CYP27C1: variants seen among roughly 807,000 people sequenced by gnomAD.
The protein encoded by CYP27C1 is cytochrome P450 27C1.
Under a neutral mutation model 40.6 loss-of-function variants are expected in CYP27C1, and 29 were observed. The observed-to-expected ratio is 0.71, with a 90% CI of 0.53 to 0.97. The LOEUF (loss-of-function observed/expected upper bound fraction) is 0.97, where lower values mean the gene tolerates loss of function less well. Ranked by LOEUF, CYP27C1 falls within the 50% of genes least tolerant of loss-of-function variation. The pLI is 0.00. For missense variants in CYP27C1, 390 were observed against 485.8 expected, an observed-to-expected ratio of 0.80 and a Z score of 1.85; for synonymous variants, 198 against 186.8, an observed-to-expected ratio of 1.06 and a Z score of -0.49.
At position 127,195,460 on chromosome 2, in the gene CYP27C1, C is replaced by A; in HGVS notation, c.1089G>T (p.Arg363Ser). The change falls in exon 6 of 9, where the codon AGG (arginine) becomes AGT (serine). Residue 363 changes from arginine to serine, a missense_variant. Coordinates refer to ENST00000664447, the MANE Select transcript of CYP27C1 (RefSeq NM_001367502.1). This position sits in a 1 kb window ranked among gnomAD's most constrained non-coding sequence, Gnocchi z 6.2. The part of the protein sequence containing the change: ...TLSWTVYLLA[R>S]HPEVQQTVYR... Reference sequence around the variant, plus strand: ...ACACCGTCTGCTGCACTTCTGGGTGCCTTGCCAGGAGGTACACAGTCCAAG... The same window carrying A: ...ACACCGTCTGCTGCACTTCTGGGTGACTTGCCAGGAGGTACACAGTCCAAG... 6.2e-7 allele frequency: 1 copy of A among 1,614,028 alleles called. No homozygotes were observed. Among genetic ancestry groups the A allele is most frequent in the Non-Finnish European group, 8.5e-7 (1 of 1,179,984 alleles).
rs1553502233 is a variant in CYP27C1, at chr2:127,195,404, C to T, written c.1145G>A (p.Arg382Lys). 1 of 1,614,128 alleles carries T rather than the reference C, an allele frequency of 6.2e-7. No individual in the cohort carries two copies. The highest frequency in any genetic ancestry group is 8.5e-7 in the Non-Finnish European group (1 of 1,180,034). ...GACATCAGCTGCAGTTGGAACATGC[C>T]TTTCCCCTAAATTCTTCACAATCTC... ...YREIVKNLGE[R>K]HVPTAADVPK... The change falls in exon 6 of 9, where the codon AGG becomes AAG. Residue 382 changes from arginine (R) to lysine (K), a missense_variant. Physicochemically the swap from Arg to Lys is conservative, Grantham distance 26. Transcript: ENST00000664447. The surrounding 1 kb of genome is among the most constrained non-coding windows in gnomAD (Gnocchi z 6.2).
intron 3 of CYP27C1, among the ~76,000 whole-genome samples, chr2:127,202,032 T>C (rs1260248681): frequency 6.6e-6 from 1 of 151,908 alleles, no homozygotes; most frequent in Non-Finnish European, 1.5e-5. Flanking sequence ...GAAGGTAAGC[T>C]TTTTTTAAAA....
At chr2:127,191,333 T>C (rs1682764822) in intron 8 of CYP27C1, among the ~76,000 whole-genome samples, 1 of 152,164 alleles carries the variant, frequency 6.6e-6, no homozygotes, top group Admixed American at 6.5e-5. Context: ...CTTTAGCAGT[T>C]ATATTCATAT....
At position 127,201,371 on chromosome 2, in the gene CYP27C1, A is replaced by G. The variant is rs1158683770; in HGVS notation, c.674-40T>C. 1 of 1,583,920 alleles carries G rather than the reference A, an allele frequency of 6.3e-7. No homozygotes were observed. Among genetic ancestry groups the G allele is most frequent in the South Asian group, 1.1e-5 (1 of 89,308 alleles). On this transcript the variant is annotated intron_variant, in intron 3 of 8. Coordinates refer to ENST00000664447, the MANE Select transcript of CYP27C1 (RefSeq NM_001367502.1). The surrounding 1 kb of genome is among the most constrained non-coding windows in gnomAD (Gnocchi z 6.0). Reference sequence around the variant, plus strand: ...GAATTTGAAAACCCTCTTCTAGATTATTTACCATACCAACAGGCAATGTTG... The same window carrying G: ...GAATTTGAAAACCCTCTTCTAGATTGTTTACCATACCAACAGGCAATGTTG...
In CYP27C1 at chr2:127,195,567, T is replaced by C. The variant is rs1000110424; in HGVS notation, c.1048-66A>G. On this transcript the variant is annotated intron_variant, in intron 5 of 8. Coordinates refer to ENST00000664447, the MANE Select transcript of CYP27C1 (RefSeq NM_001367502.1). The surrounding 1 kb of genome is among the most constrained non-coding windows in gnomAD (Gnocchi z 6.2). ...ACACCAGGGACTGAAACAGAGGCGG[T>C]GGCAGGTAGGAAGTCCCCTGGGAAT... is the stretch of plus-strand genomic sequence containing the variant. The C allele has an allele frequency of 1.3e-6, 2 of 1,553,872 alleles. No individual in the cohort carries two copies. Among genetic ancestry groups the C allele is most frequent in the Non-Finnish European group, 1.8e-6 (2 of 1,140,044 alleles).
Position 127,201,214 on chromosome 2 carries a change from A to G in CYP27C1, c.791T>C (p.Met264Thr). The change falls in exon 4 of 9, where the codon ATG becomes ACG. Residue 264 changes from methionine (M) to threonine (T), a missense_variant. Physicochemically the swap from Met to Thr is moderately conservative, Grantham distance 81 (BLOSUM62 -1). Coordinates refer to ENST00000664447, the MANE Select transcript of CYP27C1 (RefSeq NM_001367502.1). This position sits in a 1 kb window ranked among gnomAD's most constrained non-coding sequence, Gnocchi z 6.0. ...CCATCTGGGGATGGCGCCTGCATAC[A>G]TGGAGGTCTTGAACATGCTAAACAT... is the stretch of plus-strand genomic sequence containing the variant. ...ELMFSMFKTS[M>T]YAGAIPRWLR... The G allele has an allele frequency of 5.0e-6, 8 of 1,610,176 alleles. No individual in the cohort carries two copies. Among genetic ancestry groups the G allele is most frequent in the Non-Finnish European group, 6.8e-6 (8 of 1,177,790 alleles).
At chr2:127,190,331 CTTTTTTTTTTCTTTTTTT>C (rs1682736584) in intron 8 of CYP27C1, among the ~76,000 whole-genome samples, 1 of 120,228 alleles carries the variant, frequency 8.3e-6, no homozygotes, top group Non-Finnish European at 1.6e-5. Flanking sequence ...TGTGGCTTCT[CTTTTTTTTTTCTTTTTTT>C]TTTTTTTTTT....
intron 1 of CYP27C1, among the ~76,000 whole-genome samples, chr2:127,216,690 G>A (rs900572101): frequency 6.6e-6 from 1 of 152,282 alleles, no homozygotes; most frequent in East Asian, 1.9e-4. Context: ...TAAGAAAGCT[G>A]TTACTCCCTG....
chr2:127,204,557 GAA>G (rs779055219), intron 2 of CYP27C1, among the ~76,000 whole-genome samples: 3,277 of 39,930 alleles, frequency 0.082, 111 homozygotes, highest in South Asian at 0.091. Flanking sequence ...GAGAGAGAGA[GAA>G]AGAAAGAAAG....
Position 127,193,752 on chromosome 2 carries a change from C to T in CYP27C1, c.1293+37G>A, listed in dbSNP as rs779160223. The T allele has an allele frequency of 5.1e-5, 83 of 1,612,264 alleles. 2 individuals are homozygous for T. The South Asian group carries it at 5.2e-4, about 10-fold the overall frequency. On this transcript the variant is annotated intron_variant, in intron 7 of 8. Transcript: ENST00000664447. ...AAGCAGATTCCAATTCAACCCCGAC[C>T]CGCAAGGCCTGGCCACCCCCATGGC...
chr2:127,204,555 GAGAAAGAA>G (rs1169099297), intron 2 of CYP27C1, among the ~76,000 whole-genome samples: 869 of 38,952 alleles, frequency 0.022, 17 homozygotes, highest in African/African-American at 0.035. Context: ...GAGAGAGAGA[GAGAAAGAA>G]AGAAAGAAAG....
intron 1 of CYP27C1, among the ~76,000 whole-genome samples, chr2:127,210,494 C>T (rs564831154): frequency 8.5e-5 from 13 of 152,216 alleles, no homozygotes; most frequent in Admixed American, 8.5e-4. Context: ...ATGACAGGAT[C>T]AAATTCGCAC....
chr2:127,216,129 G>A (rs1044984697), intron 1 of CYP27C1, among the ~76,000 whole-genome samples: 1 of 152,142 alleles, frequency 6.6e-6, no homozygotes, highest in African/African-American at 2.4e-5. Flanking sequence ...AAAACAGTCT[G>A]GCAGTTCTTC....
intron 6 of CYP27C1, among the ~76,000 whole-genome samples, chr2:127,194,793 T>C (rs1342184825): frequency 1.3e-5 from 2 of 152,164 alleles, no homozygotes; most frequent in Admixed American, 6.5e-5. Context: ...AGTAAGCCAA[T>C]TGGCTAAAGC....
rs1683523552 is a variant in CYP27C1, at chr2:127,220,277, C to G, written c.-7G>C. Among the ~76,000 whole-genome samples the G allele has an allele frequency of 6.6e-6, 1 of 151,942 alleles. No individual in the cohort carries two copies. Among genetic ancestry groups the G allele is most frequent in the Non-Finnish European group, 1.5e-5 (1 of 67,912 alleles). ...TCCGCGCCAGCAGGGCCATGGCGCT[C>G]GTCTGCATCGGCTTGTTTGTCTGAG... On this transcript the variant is annotated 5_prime_UTR_variant, in exon 1 of 9. Coordinates refer to ENST00000664447, the MANE Select transcript of CYP27C1 (RefSeq NM_001367502.1). The surrounding 1 kb of genome is among the most constrained non-coding windows in gnomAD (Gnocchi z 4.6).
At chr2:127,213,354 C>G (rs1455245847) in intron 1 of CYP27C1, among the ~76,000 whole-genome samples, 1 of 151,292 alleles carries the variant, frequency 6.6e-6, no homozygotes. Context: ...CCCCATATAG[C>G]CAAAACAATC....
At chr2:127,188,021 C>T (rs1339420645) in intron 8 of CYP27C1, among the ~76,000 whole-genome samples, 4 of 152,176 alleles carry the variant, frequency 2.6e-5, no homozygotes, top group African/African-American at 9.7e-5. Context: ...TCTCCCCCGG[C>T]GGCCGGCTAG....
chr2:127,197,994 G>C (rs977561827), intron 5 of CYP27C1, among the ~76,000 whole-genome samples: 29 of 152,078 alleles, frequency 1.9e-4, no homozygotes, highest in Admixed American at 1.8e-3. Flanking sequence ...GGGAGGGGGC[G>C]GTGCCGCTGC....
rs1293725930 is a variant in CYP27C1 at position 127,193,266 on chromosome 2, G to A, written c.1325C>T (p.Ser442Leu). 4 of 1,614,224 alleles carry A rather than the reference G, an allele frequency of 2.5e-6. No individual in the cohort carries two copies. The highest frequency in any genetic ancestry group is 2.2e-5 in the East Asian group (1 of 44,874). Residue 442 changes from serine (S) to leucine (L), a missense_variant, in exon 8 of 9, where the codon TCG becomes TTG. Transcript: ENST00000664447. ...CCGAGGGAAGTTCTCATCCTGGTAC[G>A]ATGTGGCATAGTGGCAAAGGGCCAG... ...TQLALCHYATSYQDENFPRAK... is the reference protein window; with the variant it reads ...TQLALCHYATLYQDENFPRAK...
Sources: gnomAD v4.1 joint callset for allele counts (sites outside exome capture counted in the v4.1 genomes callset) on GRCh38, gnomAD v4.1.1 for gene constraint, Gnocchi (gnomAD v3.1) non-coding constraint, MANE v1.5 for transcripts, NCBI Gene and HGNC (gene_info 2026-07-23, HGNC 2026-07-21) for gene names.